VWF: variants seen among roughly 807,000 people sequenced by gnomAD.
VWF encodes the protein Factor VIII related antigen.
A neutral mutation model predicts 308.6 loss-of-function variants in VWF; 176 were observed. That is an observed-to-expected ratio of 0.57 (90% CI 0.50 to 0.65). The LOEUF is 0.65. VWF is among the 30% of genes least tolerant of loss of function. The pLI is 0.00. For missense variants in VWF, 3,146 were observed against 3,648.2 expected, an observed-to-expected ratio of 0.86 and a Z score of 3.55; for synonymous variants, 1,385 against 1,443.4, an observed-to-expected ratio of 0.96 and a Z score of 0.92.
At chr12:6,053,208 G>A (rs565337564) in intron 15 of VWF, among the ~76,000 whole-genome samples, 2 of 152,142 alleles carry the variant, frequency 1.3e-5, no homozygotes, top group Non-Finnish European at 2.9e-5. Flanking sequence ...TGGGAATGAC[G>A]GGCAAGGGCA....
chr12:6,011,904 A>G, intron 33 of VWF, 110 bp from the exon 34 acceptor site: 1 of 1,262,740 alleles, frequency 7.9e-7, no homozygotes. Flanking sequence ...CTACACAGCA[A>G]GGAGGCCCCC....
At chr12:5,987,247 C>T (rs1943689760) in intron 38 of VWF, among the ~76,000 whole-genome samples, 2 of 152,190 alleles carry the variant, frequency 1.3e-5, no homozygotes, top group Admixed American at 1.3e-4. Flanking sequence ...GGTTTTAAAC[C>T]ACCATGCTCT....
intron 20 of VWF, among the ~76,000 whole-genome samples, chr12:6,032,277 G>A (rs563077497): frequency 9.0e-4 from 137 of 151,644 alleles, no homozygotes; most frequent in African/African-American, 3.1e-3. Context: ...GCAGTGAGCC[G>A]AGATCGCACC....
rs746664968 is a variant in VWF, at chr12:6,029,337, C to A, written c.2967+5G>T. ...CCAACAAGATGAAGCAAGAAAGCCA[C>A]TGACCTGGTATGTCTGCTTCAGGAC... On this transcript the variant is annotated splice_donor_5th_base_variant and intron_variant, in intron 22 of 51. Transcript: ENST00000261405. The A allele has an allele frequency of 2.5e-6, 4 of 1,613,982 alleles. No homozygotes were observed. The African/African-American group carries it at 5.3e-5, about 22-fold the overall frequency.
chr12:5,991,098 G>A (rs1333659314), intron 38 of VWF, among the ~76,000 whole-genome samples: 6 of 149,686 alleles, frequency 4.0e-5, no homozygotes, highest in African/African-American at 1.5e-4. Flanking sequence ...TTCTTCATAG[G>A]ATTTTTGTAT....
In VWF at chr12:6,056,973, T is replaced by C; in HGVS notation, c.1829A>G (p.Tyr610Cys). Reference sequence around the variant, plus strand: ...GCCGTCCGAGCAGGAGCACACGTCGTAGCGGCAGTTCCGCAGGTAGGGCAG... The same window carrying C: ...GCCGTCCGAGCAGGAGCACACGTCGCAGCGGCAGTTCCGCAGGTAGGGCAG... ...SPLPYLRNCRYDVCSCSDGRE... is the reference protein window; with the variant it reads ...SPLPYLRNCRCDVCSCSDGRE... The change falls in exon 15 of 52, where the codon TAC (tyrosine) becomes TGC (cysteine). Residue 610 changes from tyrosine to cysteine, a missense_variant. Coordinates refer to ENST00000261405, the MANE Select transcript of VWF (RefSeq NM_000552.5). The C allele has an allele frequency of 1.3e-6, 2 of 1,542,772 alleles. No individual in the cohort carries two copies. Among genetic ancestry groups the C allele is most frequent in the East Asian group, 2.4e-5 (1 of 41,342 alleles).
intron 38 of VWF, among the ~76,000 whole-genome samples, chr12:5,989,980 G>A (rs1943719893): frequency 6.6e-6 from 1 of 152,156 alleles, no homozygotes; most frequent in Non-Finnish European, 1.5e-5. Flanking sequence ...TACAAATCAA[G>A]GAGAGGAATA....
chr12:6,057,868 G>A lies in VWF; in HGVS notation c.1710C>T (p.Cys570=). 6.2e-7 allele frequency: 1 copy of A among 1,609,498 alleles called. No individual in the cohort carries two copies. Among genetic ancestry groups the A allele is most frequent in the Non-Finnish European group, 8.5e-7 (1 of 1,177,826 alleles). ...QDLQKQHSDP[C]ALNPRMTRFS... The stretch of plus-strand genomic sequence containing the variant: ...ACATACTCATGCGCGGGTTGAGGGC[G>A]CAGGGATCGCTGTGCTGCTTCTGCA... The change falls in exon 14 of 52, where the codon TGC becomes TGT. Residue 570 remains cysteine (C), a synonymous_variant. Transcript: ENST00000261405.
chr12:6,115,198 A>G (rs1314450669), intron 3 of VWF, among the ~76,000 whole-genome samples: 1 of 152,120 alleles, frequency 6.6e-6, no homozygotes, highest in Non-Finnish European at 1.5e-5. Flanking sequence ...CACCATGCCC[A>G]GCTAATTTTT....
chr12:5,964,010 ATTCT>A (rs1217165107), intron 47 of VWF, among the ~76,000 whole-genome samples: 6 of 151,664 alleles, frequency 4.0e-5, no homozygotes, highest in African/African-American at 1.5e-4. Flanking sequence ...GATTGAGACC[ATTCT>A]GGTTAACACG....
intron 6 of VWF, among the ~76,000 whole-genome samples, chr12:6,083,633 G>C (rs1054474150): frequency 6.6e-6 from 1 of 152,186 alleles, no homozygotes; most frequent in South Asian, 2.1e-4. Context: ...TGTGAAAGAG[G>C]GGAAAAGTGG....
At chr12:6,103,479 T>TAC (rs1945203406) in intron 5 of VWF, among the ~76,000 whole-genome samples, 1 of 143,038 alleles carries the variant, frequency 7.0e-6, no homozygotes, top group African/African-American at 2.7e-5. Flanking sequence ...TATGTGTGTA[T>TAC]ATACATATAT....
Position 5,979,474 on chromosome 12 carries a change from A to T in VWF, c.7287+2312T>A, listed in dbSNP as rs531992087. On this transcript the variant is annotated intron_variant, in intron 42 of 51. Coordinates refer to ENST00000261405, the MANE Select transcript of VWF (RefSeq NM_000552.5). ...TCTCTCAAAGTGGGATAGCTGGGCC[A>T]GGCATGGTGGCTGACGCCTGTAATC... 2.0e-5 allele frequency among the ~76,000 whole-genome samples: 3 copies of T among 152,362 alleles called. No individual in the cohort carries two copies. In the South Asian group the frequency reaches 6.2e-4, roughly 32 times the overall value.
chr12:5,982,434 C>T lies in VWF; in HGVS notation c.7082-443G>A, dbSNP rs971109417. Among the ~76,000 whole-genome samples the T allele has an allele frequency of 2.5e-4, 38 of 152,284 alleles. 1 individual carries two copies. Among genetic ancestry groups the T allele is most frequent in the Admixed American group, 4.6e-4 (7 of 15,302 alleles). On this transcript the variant is annotated intron_variant, in intron 41 of 51. Transcript: ENST00000261405. ...AGAACAATACCCTACACTTTAGGTC[C>T]GCCAGCAATCAGTGTGGAATGAAAG... is the stretch of plus-strand genomic sequence containing the variant.
Position 6,075,623 on chromosome 12 carries a change from C to T in VWF, c.658-72G>A. The T allele has an allele frequency of 6.5e-7, 1 of 1,534,968 alleles. No individual in the cohort carries two copies. Among genetic ancestry groups the T allele is most frequent in the South Asian group, 1.2e-5 (1 of 84,538 alleles). On this transcript the variant is annotated intron_variant, in intron 6 of 51. Coordinates refer to ENST00000261405, the MANE Select transcript of VWF (RefSeq NM_000552.5). This position sits in a 1 kb window ranked among gnomAD's most constrained non-coding sequence, Gnocchi z 4.7. Reference sequence around the variant, plus strand: ...CCTGAGTGTGGCACTGAGACTTAGCCCTGCTAGGGAAACCAAGGCAGCTCC... The same window carrying T: ...CCTGAGTGTGGCACTGAGACTTAGCTCTGCTAGGGAAACCAAGGCAGCTCC...
At chr12:5,962,694 G>A (rs1446752490) in intron 47 of VWF, among the ~76,000 whole-genome samples, 1 of 151,990 alleles carries the variant, frequency 6.6e-6, no homozygotes, top group Non-Finnish European at 1.5e-5. Context: ...GGGATTACAG[G>A]CACCTGCCAC....
chr12:6,114,348 C>T (rs1945341985), intron 3 of VWF, among the ~76,000 whole-genome samples: 1 of 152,172 alleles, frequency 6.6e-6, no homozygotes, highest in African/African-American at 2.4e-5. Context: ...AAGCAAGGTA[C>T]TCGTTCCACA....
intron 6 of VWF, among the ~76,000 whole-genome samples, chr12:6,083,253 AT>A (rs1459997899): frequency 1.3e-5 from 2 of 151,948 alleles, no homozygotes; most frequent in Non-Finnish European, 2.9e-5. Context: ...TGACCTCATG[AT>A]CCACCCACCT....
intron 34 of VWF, among the ~76,000 whole-genome samples, chr12:6,005,015 G>A (rs548815882): frequency 6.6e-6 from 1 of 152,198 alleles, no homozygotes; most frequent in East Asian, 1.9e-4. Context: ...TAAATTTAAT[G>A]CAATTCCAAT....
Sources: gnomAD v4.1 joint callset for allele counts (sites outside exome capture counted in the v4.1 genomes callset) on GRCh38, gnomAD v4.1.1 for gene constraint, Gnocchi (gnomAD v3.1) non-coding constraint, MANE v1.5 for transcripts, NCBI Gene and HGNC (gene_info 2026-07-23, HGNC 2026-07-21) for gene names.